The following CD109 variants were observed in gnomAD, a reference collection of about 807,000 sequenced individuals.
CD109 encodes CD109 antigen.
In CD109, 149 loss-of-function variants were observed where a neutral mutation model predicts 165.8. That is an observed-to-expected ratio of 0.90 (90% confidence interval 0.79 to 1.03). The LOEUF is 1.03. Ranked by LOEUF, CD109 falls within the 50% of genes least tolerant of loss-of-function variation. CD109 has a pLI of 0.00. For synonymous variants in CD109, 585 were observed against 592.1 expected (o/e 0.99, Z 0.18); for missense variants, 1,712 against 1,677.8 (o/e 1.02, Z -0.36).
At chr6:73,820,609 C>T (rs778184588) in intron 32 of CD109, 46 bp downstream of exon 32, 76 of 1,133,298 alleles carry the variant, frequency 6.7e-5, no homozygotes, top group Admixed American at 6.0e-4. Flanking sequence ...TTAAGCCAGG[C>T]ATTCATTCAT....
intron 5 of CD109, among the ~76,000 whole-genome samples, chr6:73,745,544 G>C (rs919043724): frequency 6.6e-6 from 1 of 152,100 alleles, no homozygotes; most frequent in Non-Finnish European, 1.5e-5. Context: ...TTTGCACGTT[G>C]GATTGTTCCC....
intron 2 of CD109, among the ~76,000 whole-genome samples, chr6:73,714,474 G>A (rs1304605932): frequency 6.6e-6 from 1 of 152,146 alleles, no homozygotes; most frequent in Non-Finnish European, 1.5e-5. Context: ...CTCTCCCCTA[G>A]TGCAGTTTCC....
intron 15 of CD109, among the ~76,000 whole-genome samples, chr6:73,775,962 A>G (rs975156423): frequency 3.9e-5 from 6 of 152,248 alleles, no homozygotes; most frequent in Non-Finnish European, 7.3e-5. Context: ...TTTTGTGAAT[A>G]GTGCTGCAAT....
Position 73,720,140 on chromosome 6 carries a change from C to T in CD109, c.248-3111C>T, listed in dbSNP as rs141309997. On this transcript the variant is annotated intron_variant, in intron 2 of 32. Coordinates refer to ENST00000287097, the MANE Select transcript of CD109 (RefSeq NM_133493.5). Reference sequence around the variant, plus strand: ...GGATAAAGAAAGTGTGGTATATATACGTAATGGAACACTATTCAGCCATTT... The same window carrying T: ...GGATAAAGAAAGTGTGGTATATATATGTAATGGAACACTATTCAGCCATTT... 7.3e-3 allele frequency among the ~76,000 whole-genome samples: 1,112 copies of T among 152,060 alleles called. 15 individuals carry two copies. The highest frequency in any genetic ancestry group is 0.024 in the African/African-American group (1,006 of 41,462).
rs532727749 is a variant in CD109, at chr6:73,777,340, C to T, written c.1828-3084C>T. Among the ~76,000 whole-genome samples, 6 of 152,116 alleles carry T rather than the reference C, an allele frequency of 3.9e-5. No individual in the cohort carries two copies. The South Asian group carries it at 1.2e-3, about 32-fold the overall frequency. On this transcript the variant is annotated intron_variant, in intron 15 of 32. Transcript: ENST00000287097. ...TAGATGCTGGATATTAGATCTTTGTCAGATGCACAGTTTGCAAAAATTTTC... is the reference window on the plus strand; with the variant it reads ...TAGATGCTGGATATTAGATCTTTGTTAGATGCACAGTTTGCAAAAATTTTC...
intron 6 of CD109, among the ~76,000 whole-genome samples, chr6:73,757,730 T>C (rs1412646044): frequency 6.6e-6 from 1 of 152,226 alleles, no homozygotes; most frequent in Non-Finnish European, 1.5e-5. Context: ...TTTTTATTAT[T>C]TGTTGAAAAG....
chr6:73,781,748 T>TACACACAC (rs71845700), intron 17 of CD109, among the ~76,000 whole-genome samples: 1 of 145,610 alleles, frequency 6.9e-6, no homozygotes, highest in African/African-American at 2.6e-5. Context: ...AGTATTCTGG[T>TACACACAC]ACACACACAC....
At chr6:73,775,575 C>A (rs9765872) in intron 15 of CD109, among the ~76,000 whole-genome samples, 16,564 of 152,032 alleles carry the variant, frequency 0.11, 1,542 homozygotes, top group African/African-American at 0.25. Context: ...ACATAGGCAA[C>A]CTTGTGTCAT....
rs150268193 is a variant in CD109 at position 73,810,154 on chromosome 6, G to A, written c.3526G>A (p.Gly1176Ser). Reference protein sequence around the residue: ...RWLSRQRNSLGGFASTQDTTV... With the variant: ...RWLSRQRNSLSGFASTQDTTV... ...GCTAAGCAGGCAAAGAAATAGCTTG[G>A]GTGGTTTTGCATCTACTCAGGTGAG... Residue 1176 changes from glycine to serine, a missense_variant, in exon 27 of 33, where the codon GGT (glycine) becomes AGT (serine). Transcript: ENST00000287097. 781 of 1,599,902 alleles carry A rather than the reference G, an allele frequency of 4.9e-4. 4 individuals are homozygous for A. In the African/African-American group the frequency reaches 9.9e-3, roughly 20 times the overall value.
At chr6:73,779,061 T>C (rs1418380676) in intron 15 of CD109, among the ~76,000 whole-genome samples, 13 of 152,176 alleles carry the variant, frequency 8.5e-5, no homozygotes. Context: ...TCTGTAATCA[T>C]TAAGCAATAA....
In CD109 at chr6:73,810,042, C is replaced by T. The variant is rs1164778737; in HGVS notation, c.3414C>T (p.Arg1138=). 3.7e-6 allele frequency: 6 copies of T among 1,606,640 alleles called. No homozygotes were observed. The highest frequency in any genetic ancestry group is 5.1e-6 in the Non-Finnish European group (6 of 1,177,654). Residue 1138 remains arginine, a synonymous_variant, in exon 27 of 33, where the codon CGC becomes CGT. Transcript: ENST00000287097. ...AACTTTCTGACTCCTGGCAGCCACG[C>T]TCCCTGGATATTGAAGTTGCAGCCT... ...ESKLSDSWQP[R]SLDIEVAAYA...
At chr6:73,763,057 C>T (rs1337905799) in intron 9 of CD109, among the ~76,000 whole-genome samples, 175 bp downstream of exon 9, 2 of 152,072 alleles carry the variant, frequency 1.3e-5, no homozygotes, top group East Asian at 1.9e-4. Flanking sequence ...TAAGGGGGAC[C>T]TTATTTTCTA....
intron 2 of CD109, among the ~76,000 whole-genome samples, chr6:73,714,821 T>TA (rs1771664302): frequency 6.6e-6 from 1 of 151,748 alleles, no homozygotes; most frequent in Non-Finnish European, 1.5e-5. Flanking sequence ...GTGATAAACT[T>TA]AGAGTTGAGG....
intron 22 of CD109, among the ~76,000 whole-genome samples, chr6:73,788,826 G>A (rs1430711887): frequency 6.6e-6 from 1 of 152,152 alleles, no homozygotes; most frequent in African/African-American, 2.4e-5. Flanking sequence ...AATCACCTGG[G>A]AGTCTTGTTT....
In CD109 at chr6:73,808,191, G is replaced by A; in HGVS notation, c.3298G>A (p.Gly1100Arg). 1 of 1,613,510 alleles carries A rather than the reference G, an allele frequency of 6.2e-7. No individual in the cohort carries two copies. The highest frequency in any genetic ancestry group is 8.5e-7 in the Non-Finnish European group (1 of 1,179,614). The change falls in exon 26 of 33, where the codon GGG (glycine) becomes AGG (arginine). Residue 1100 changes from glycine (G) to arginine (R), a missense_variant. Coordinates refer to ENST00000287097, the MANE Select transcript of CD109 (RefSeq NM_133493.5). ...TATAACTTATGCATTGTCATCAGTG[G>A]GGAGTCCTAAAGCGAAGGAAGCTTT... is the stretch of plus-strand genomic sequence containing the variant. ...ALITYALSSV[G>R]SPKAKEALNM...
chr6:73,708,216 T>C (rs1371468746), intron 2 of CD109, among the ~76,000 whole-genome samples: 1 of 152,026 alleles, frequency 6.6e-6, no homozygotes, highest in Non-Finnish European at 1.5e-5. Context: ...TTCTCATTGT[T>C]CAATTCCCAC....
chr6:73,785,604 G>T (rs752209468), intron 20 of CD109, 127 bp downstream of exon 20: 2 of 551,138 alleles, frequency 3.6e-6, no homozygotes, highest in Non-Finnish European at 6.3e-6. Flanking sequence ...CTGGGAGGCT[G>T]AAAATAGACA....
At chr6:73,759,438 A>G (rs1044744872) in intron 7 of CD109, among the ~76,000 whole-genome samples, 2 of 151,990 alleles carry the variant, frequency 1.3e-5, no homozygotes, top group African/African-American at 4.8e-5. Flanking sequence ...GGTCTCCTAA[A>G]GTGCTGAGAC....
intron 2 of CD109, 87 bp downstream of exon 2, chr6:73,697,659 A>G: frequency 1.7e-6 from 2 of 1,188,484 alleles, no homozygotes; most frequent in South Asian, 1.5e-5. Flanking sequence ...TATAGCAGAG[A>G]AACCCCAAAT....
Sources: allele counts gnomAD v4.1 joint callset (sites outside exome capture counted in the v4.1 genomes callset), GRCh38; gene constraint gnomAD v4.1.1; transcripts MANE v1.5; gene names NCBI Gene and HGNC (gene_info 2026-07-23, HGNC 2026-07-21).